Variants in TIMP2 observed in about 807,000 individuals in gnomAD.
TIMP2 encodes the protein metalloproteinase inhibitor 2.
A neutral mutation model predicts 24.3 loss-of-function variants in TIMP2; 5 were observed. The ratio of observed to expected loss-of-function variants is 0.21; its 90% CI spans 0.11 to 0.43. TIMP2 has a LOEUF of 0.43. Among genes scored for constraint, TIMP2 ranks in the 20% least tolerant of loss-of-function variants. The pLI is 1.00. For missense variants in TIMP2, 221 were observed against 297.5 expected, an observed-to-expected ratio of 0.74 and a Z score of 1.89; for synonymous variants, 130 against 123.2, an observed-to-expected ratio of 1.06 and a Z score of -0.37.
At position 78,920,002 on chromosome 17, in the gene TIMP2, T is replaced by TCCTCCTCCCTGCTGTTGCATC. The variant is rs1210380482; in HGVS notation, c.130+4936_130+4956dup. ...TGCCTGTCTTTGCTTCCTTCTTATC[T>TCCTCCTCCCTGCTGTTGCATC]CCTCCTCCCTGCTGTTGCATCCCTC... On this transcript the variant is annotated intron_variant, in intron 1 of 4. Coordinates refer to ENST00000262768, the MANE Select transcript of TIMP2 (RefSeq NM_003255.5). This position sits in a 1 kb window ranked among gnomAD's most constrained non-coding sequence, Gnocchi z 4.5. Among the ~76,000 whole-genome samples, 1 of 152,046 alleles carries TCCTCCTCCCTGCTGTTGCATC rather than the reference T, an allele frequency of 6.6e-6. No individual in the cohort carries two copies. The highest frequency in any genetic ancestry group is 1.5e-5 in the Non-Finnish European group (1 of 68,012).
At chr17:78,875,812 G>A (rs1391975800) in intron 1 of TIMP2, among the ~76,000 whole-genome samples, 1 of 152,164 alleles carries the variant, frequency 6.6e-6, no homozygotes, top group African/African-American at 2.4e-5. Flanking sequence ...AGGCTCAGGC[G>A]TGTGGGTGCT....
chr17:78,920,024 C>T lies in TIMP2; in HGVS notation c.130+4935G>A, dbSNP rs1444669349. Among the ~76,000 whole-genome samples the T allele has an allele frequency of 6.6e-6, 1 of 152,170 alleles. No individual in the cohort carries two copies. Among genetic ancestry groups the T allele is most frequent in the Non-Finnish European group, 1.5e-5 (1 of 68,026 alleles). Reference sequence around the variant, plus strand: ...ATCTCCTCCTCCCTGCTGTTGCATCCCTCCTCGCAGCTGCCTGGGAAGCCT... The same window carrying T: ...ATCTCCTCCTCCCTGCTGTTGCATCTCTCCTCGCAGCTGCCTGGGAAGCCT... On this transcript the variant is annotated intron_variant, in intron 1 of 4. Transcript: ENST00000262768. The surrounding 1 kb of genome is among the most constrained non-coding windows in gnomAD (Gnocchi z 4.5).
chr17:78,892,026 A>T (rs1313509386), intron 1 of TIMP2: 1 of 1,550,482 alleles, frequency 6.4e-7, no homozygotes, highest in Admixed American at 2.0e-5. Context: ...GGCCTGGCTG[A>T]TCTTCGCTGG....
At chr17:78,895,473 A>T (rs2069985227) in intron 1 of TIMP2, among the ~76,000 whole-genome samples, 1 of 152,178 alleles carries the variant, frequency 6.6e-6, no homozygotes, top group Non-Finnish European at 1.5e-5. Flanking sequence ...AAGACAGACA[A>T]TAGCAACTGT....
At chr17:78,861,883 C>T (rs1231833511) in intron 3 of TIMP2, among the ~76,000 whole-genome samples, 1 of 152,030 alleles carries the variant, frequency 6.6e-6, no homozygotes. Context: ...TTTCAATGGT[C>T]CTAGTTATTG....
chr17:78,889,142 C>T (rs753696038), intron 1 of TIMP2, among the ~76,000 whole-genome samples: 12 of 152,350 alleles, frequency 7.9e-5, no homozygotes, highest in African/African-American at 1.2e-4. Flanking sequence ...GTAATTACCA[C>T]GGGGGCTGCA....
chr17:78,862,179 T>C (rs1260348917), intron 3 of TIMP2, among the ~76,000 whole-genome samples: 1 of 152,230 alleles, frequency 6.6e-6, no homozygotes, highest in East Asian at 1.9e-4. Context: ...CACGTGAGAC[T>C]GAGTCATCGG....
intron 4 of TIMP2, chr17:78,857,176 C>T (rs2069530362): frequency 4.1e-6 from 1 of 244,758 alleles, no homozygotes; most frequent in Non-Finnish European, 8.1e-6. Flanking sequence ...TTTGTAGAGA[C>T]AGGGTTTCGC....
chr17:78,917,478 C>T (rs1281381714), intron 1 of TIMP2, among the ~76,000 whole-genome samples: 4 of 152,176 alleles, frequency 2.6e-5, no homozygotes, highest in Admixed American at 6.5e-5. Context: ...TTTCTGTGTA[C>T]GGTAGGCACC....
At chr17:78,915,518 T>C (rs1009006774) in intron 1 of TIMP2, among the ~76,000 whole-genome samples, 2 of 105,272 alleles carry the variant, frequency 1.9e-5, no homozygotes, top group African/African-American at 7.4e-5. Context: ...TCTCTCTCTT[T>C]TTTTCTTCTT....
intron 3 of TIMP2, 109 bp downstream of exon 3, chr17:78,870,789 G>T: frequency 1.2e-6 from 1 of 859,112 alleles, no homozygotes; most frequent in Non-Finnish European, 1.8e-6. Flanking sequence ...CTGTTCCTCA[G>T]CTACTCCGCC....
In TIMP2 at chr17:78,921,839, C is replaced by T. The variant is rs567532893; in HGVS notation, c.130+3120G>A. On this transcript the variant is annotated intron_variant, in intron 1 of 4. Coordinates refer to ENST00000262768, the MANE Select transcript of TIMP2 (RefSeq NM_003255.5). Reference sequence around the variant, plus strand: ...ACCACAGTTCCGGTCCTACCAACTGCAAGAGCTGCTAGGGAGATACCTCCC... The same window carrying T: ...ACCACAGTTCCGGTCCTACCAACTGTAAGAGCTGCTAGGGAGATACCTCCC... Among the ~76,000 whole-genome samples, 3 of 152,338 alleles carry T rather than the reference C, an allele frequency of 2.0e-5. No homozygotes were observed. In the East Asian group the frequency reaches 5.8e-4, roughly 29 times the overall value.
At chr17:78,874,336 C>A (rs897022791) in intron 1 of TIMP2, among the ~76,000 whole-genome samples, 7 of 151,990 alleles carry the variant, frequency 4.6e-5, no homozygotes, top group African/African-American at 1.5e-4. Flanking sequence ...CTGGGGCAAG[C>A]AGGTACCCCA....
intron 1 of TIMP2, among the ~76,000 whole-genome samples, chr17:78,921,320 G>T (rs569770257): frequency 6.6e-6 from 1 of 152,364 alleles, no homozygotes; most frequent in Admixed American, 6.5e-5. Flanking sequence ...CTCCTCGGGG[G>T]ATTTGCAGAG....
chr17:78,889,808 A>G (rs2145766613), intron 1 of TIMP2, among the ~76,000 whole-genome samples: 1 of 152,306 alleles, frequency 6.6e-6, no homozygotes, highest in African/African-American at 2.4e-5. Context: ...GTGGTTTCCC[A>G]AAAGGGACTT....
Position 78,891,440 on chromosome 17 carries a change from A to T in TIMP2, c.131-17521T>A, listed in dbSNP as rs766091246. ...CAGGTACAAGCACAGGTGTTTTTTC[A>T]GCTTTCTGTTTATATTAAACAACTC... On this transcript the variant is annotated intron_variant, in intron 1 of 4. Transcript: ENST00000262768. This position sits in a 1 kb window ranked among gnomAD's most constrained non-coding sequence, Gnocchi z 4.5. The T allele has an allele frequency of 6.4e-7, 1 of 1,550,834 alleles. No individual in the cohort carries two copies. Among genetic ancestry groups the T allele is most frequent in the South Asian group, 1.2e-5 (1 of 84,058 alleles).
intron 1 of TIMP2, among the ~76,000 whole-genome samples, chr17:78,918,494 C>G (rs1268356414): frequency 1.3e-5 from 2 of 152,190 alleles, no homozygotes; most frequent in Non-Finnish European, 2.9e-5. Flanking sequence ...CTGCCTGCCA[C>G]TCTGAGACAT....
intron 3 of TIMP2, 144 bp downstream of exon 3, chr17:78,870,754 C>G: frequency 1.8e-6 from 1 of 554,946 alleles, no homozygotes; most frequent in Non-Finnish European, 3.1e-6. Flanking sequence ...GGGAAGTGGC[C>G]GAGAGGGCTC....
At chr17:78,892,630 T>C in intron 1 of TIMP2, 1 of 984,850 alleles carries the variant, frequency 1.0e-6, no homozygotes. Flanking sequence ...TCCCAATTTC[T>C]GTCCTGTACA....
Sources: gnomAD v4.1 joint callset for allele counts (sites outside exome capture counted in the v4.1 genomes callset) on GRCh38, gnomAD v4.1.1 for gene constraint, Gnocchi (gnomAD v3.1) non-coding constraint, MANE v1.5 for transcripts, NCBI Gene and HGNC (gene_info 2026-07-23, HGNC 2026-07-21) for gene names.